Variants in PTBP3 observed in about 807,000 individuals in gnomAD.
PTBP3 encodes polypyrimidine tract-binding protein 3.
A neutral mutation model predicts 58.7 loss-of-function variants in PTBP3; 20 were observed. That is an observed-to-expected ratio of 0.34 (90% CI 0.24 to 0.50). The LOEUF (loss-of-function observed/expected upper bound fraction) is 0.50. Among genes scored for constraint, PTBP3 ranks in the 20% least tolerant of loss-of-function variants. PTBP3 has a pLI of 0.98. For synonymous variants in PTBP3, 185 were observed against 219.8 expected (o/e 0.84, Z 1.40); for missense variants, 509 against 637.2 (o/e 0.80, Z 2.17).
chr9:112,330,511 AAGTT>A (rs1436858143), intron 1 of PTBP3: 22 of 1,410,274 alleles, frequency 1.6e-5, no homozygotes, highest in South Asian at 2.6e-5. Flanking sequence ...ATGGAAAACA[AAGTT>A]AGAGAACAAG....
chr9:112,287,507 A>T (rs1028599409), intron 2 of PTBP3, among the ~76,000 whole-genome samples: 1 of 150,754 alleles, frequency 6.6e-6, no homozygotes, highest in African/African-American at 2.4e-5. Context: ...CGCCCGGCTA[A>T]TTTTTGTATT....
chr9:112,267,744 A>G (rs964583032), intron 4 of PTBP3, among the ~76,000 whole-genome samples: 1 of 152,210 alleles, frequency 6.6e-6, no homozygotes, highest in Non-Finnish European at 1.5e-5. Flanking sequence ...AGTCTGTAAA[A>G]AGATGATTGA....
intron 1 of PTBP3, among the ~76,000 whole-genome samples, chr9:112,301,086 T>C (rs951860936): frequency 2.0e-5 from 3 of 152,078 alleles, no homozygotes; most frequent in African/African-American, 7.2e-5. Flanking sequence ...ACATGGAGAA[T>C]GGAAGAAAGT....
At chr9:112,315,329 C>G (rs1219060101) in intron 1 of PTBP3, among the ~76,000 whole-genome samples, 1 of 151,412 alleles carries the variant, frequency 6.6e-6, no homozygotes, top group African/African-American at 2.4e-5. Flanking sequence ...AAAAAGATAT[C>G]TGGAAAACCA....
intron 6 of PTBP3, among the ~76,000 whole-genome samples, chr9:112,251,996 C>A (rs1410787684): frequency 6.6e-6 from 1 of 151,860 alleles, no homozygotes; most frequent in Non-Finnish European, 1.5e-5. Context: ...AAATGACTAG[C>A]AAAAACTGCT....
Position 112,221,303 on chromosome 9 carries a change from C to G in PTBP3, c.*2548G>C. On this transcript the variant is annotated 3_prime_UTR_variant, in exon 14 of 14. Coordinates refer to ENST00000374257, the MANE Select transcript of PTBP3 (RefSeq NM_001163788.4). ...CATTCACACACACACACAAACACAC[C>G]CCTACACAAATCCCTGAAAAGGATT... 1 of 985,514 alleles carries G rather than the reference C, an allele frequency of 1.0e-6. No homozygotes were observed. Among genetic ancestry groups the G allele is most frequent in the Non-Finnish European group, 1.2e-6 (1 of 829,804 alleles). 61.0% of individuals were successfully genotyped at this position (985,514 alleles called of 1,614,324 possible).
At chr9:112,324,259 G>A (rs534089386) in intron 1 of PTBP3, among the ~76,000 whole-genome samples, 10 of 152,174 alleles carry the variant, frequency 6.6e-5, no homozygotes, top group Admixed American at 3.9e-4. Context: ...TTTTTTAAAA[G>A]TTCTTTAAGG....
At chr9:112,257,980 A>AT (rs1258166363) in intron 5 of PTBP3, among the ~76,000 whole-genome samples, 5 of 151,018 alleles carry the variant, frequency 3.3e-5, no homozygotes, top group South Asian at 2.1e-4. Flanking sequence ...TCACATTAGA[A>AT]TTTTTTTTTA....
intron 7 of PTBP3, among the ~76,000 whole-genome samples, chr9:112,237,295 T>TA (rs551472425): frequency 2.6e-4 from 39 of 152,192 alleles, no homozygotes; most frequent in Non-Finnish European, 5.6e-4. Flanking sequence ...AGTAACCTGT[T>TA]AGACAGTGGA....
chr9:112,373,910 T>C, the PTBP3 span, among the ~76,000 whole-genome samples: 2 of 152,238 alleles, frequency 1.3e-5, no homozygotes, highest in African/African-American at 4.8e-5. Context: ...TAGCTGGTAT[T>C]GATGACTATC....
intron 1 of PTBP3, among the ~76,000 whole-genome samples, chr9:112,331,201 C>T (rs1335144727): frequency 6.7e-6 from 1 of 150,346 alleles, no homozygotes; most frequent in Non-Finnish European, 1.5e-5. Flanking sequence ...TTTTAACTAC[C>T]CAAATAAGGA....
intron 10 of PTBP3, 89 bp from the exon 11 acceptor site, chr9:112,228,561 T>TTA (rs11281671): frequency 4.1e-5 from 36 of 876,524 alleles, no homozygotes; most frequent in Admixed American, 8.9e-5. Context: ...AAGGCATTTC[T>TTA]TACTCTCCCT....
the PTBP3 span, among the ~76,000 whole-genome samples, chr9:112,341,570 A>G: frequency 1.3e-5 from 2 of 152,162 alleles, no homozygotes; most frequent in Non-Finnish European, 2.9e-5. Context: ...GCAGCTTACT[A>G]AAGAATAGTG....
At chr9:112,241,257 C>T (rs1468240022) in intron 7 of PTBP3, among the ~76,000 whole-genome samples, 1 of 152,118 alleles carries the variant, frequency 6.6e-6, no homozygotes, top group East Asian at 1.9e-4. Flanking sequence ...AAGCCCTACA[C>T]CACACCCAGC....
intron 1 of PTBP3, among the ~76,000 whole-genome samples, chr9:112,306,591 TA>T (rs1311070908): frequency 2.0e-5 from 2 of 99,576 alleles, no homozygotes; most frequent in African/African-American, 9.1e-5. Flanking sequence ...AATTTGTATA[TA>T]TATATATATA....
chr9:112,353,047 C>T, the PTBP3 span, among the ~76,000 whole-genome samples: 1 of 152,004 alleles, frequency 6.6e-6, no homozygotes, highest in Non-Finnish European at 1.5e-5. Context: ...ATTACAGGTG[C>T]CTGCCACCAC....
At chr9:112,325,665 A>C (rs1354501774) in intron 1 of PTBP3, among the ~76,000 whole-genome samples, 1 of 151,382 alleles carries the variant, frequency 6.6e-6, no homozygotes, top group Non-Finnish European at 1.5e-5. Context: ...CATTTTGCTG[A>C]GTAAAAGAAA....
At chr9:112,242,398 G>C (rs929343691) in intron 7 of PTBP3, among the ~76,000 whole-genome samples, 1 of 59,908 alleles carries the variant, frequency 1.7e-5, no homozygotes, top group African/African-American at 1.1e-4. Flanking sequence ...TTCAAGCAGC[G>C]GAGCACTAAA....
intron 1 of PTBP3, among the ~76,000 whole-genome samples, chr9:112,300,517 G>C (rs4979096): frequency 0.84 from 127,843 of 152,114 alleles, 54,009 homozygotes; most frequent in African/African-American, 0.92. Context: ...CTTTGGGAGG[G>C]CTTGGCGGGC....
Sources: gnomAD v4.1 joint callset for allele counts (sites outside exome capture counted in the v4.1 genomes callset) on GRCh38, gnomAD v4.1.1 for gene constraint, MANE v1.5 for transcripts, NCBI Gene and HGNC (gene_info 2026-07-23, HGNC 2026-07-21) for gene names.